TRIM24: variants seen among roughly 807,000 people sequenced by gnomAD.
The protein encoded by TRIM24 is tripartite motif containing 24.
TRIM24 carries 29 observed loss-of-function variants against 123.9 expected under a neutral mutation model. That is an observed-to-expected ratio of 0.23 (90% CI 0.17 to 0.32). The LOEUF (loss-of-function observed/expected upper bound fraction) is 0.32, where lower values mean the gene tolerates loss of function less well. TRIM24 is among the 10% of genes least tolerant of loss of function. The pLI, the probability that TRIM24 is intolerant of heterozygous loss-of-function variation, is 1.00. For synonymous variants in TRIM24, 456 were observed against 461.1 expected (o/e 0.99, Z 0.14); for missense variants, 932 against 1,295.3 (o/e 0.72, Z 4.31).
At chr7:138,508,722 T>TGTGTGC (rs1554436727) in intron 2 of TRIM24, among the ~76,000 whole-genome samples, 11 of 124,322 alleles carry the variant, frequency 8.8e-5, no homozygotes, top group African/African-American at 2.0e-4. Context: ...TGTGTGTGCG[T>TGTGTGC]GTGTGTGTGT....
At chr7:138,472,339 T>C (rs1248233974) in intron 1 of TRIM24, among the ~76,000 whole-genome samples, 1 of 151,686 alleles carries the variant, frequency 6.6e-6, no homozygotes, top group Non-Finnish European at 1.5e-5. Flanking sequence ...AGAAAGGCAT[T>C]GATCTGAGGC....
intron 10 of TRIM24, among the ~76,000 whole-genome samples, chr7:138,568,701 C>T (rs539775013): frequency 6.6e-6 from 1 of 151,166 alleles, no homozygotes; most frequent in Non-Finnish European, 1.5e-5. Context: ...TATTTATATA[C>T]TTAGTGTCTT....
At position 138,463,141 on chromosome 7, in the gene TRIM24, T is replaced by C. The variant is rs1035045608; in HGVS notation, c.364+2229T>C. On this transcript the variant is annotated intron_variant, in intron 1 of 18. Transcript: ENST00000343526. ...CCGACCTCAGGTGATCCGCCCACCTTGGCTTCCCAAAGTGCTGGGATTACA... is the reference window on the plus strand; with the variant it reads ...CCGACCTCAGGTGATCCGCCCACCTCGGCTTCCCAAAGTGCTGGGATTACA... Among the ~76,000 whole-genome samples the C allele has an allele frequency of 1.9e-4, 27 of 140,394 alleles. No individual in the cohort carries two copies. In the Admixed American group the frequency reaches 2.0e-3, roughly 10 times the overall value. The allele number at this position is 140,394 out of a possible 152,430, so 92.1% of individuals were successfully genotyped here.
chr7:138,531,202 C>T (rs1796726397), intron 6 of TRIM24, among the ~76,000 whole-genome samples: 1 of 148,560 alleles, frequency 6.7e-6, no homozygotes, highest in African/African-American at 2.6e-5. Flanking sequence ...TACATGTATA[C>T]ATGTATACGT....
intron 1 of TRIM24, among the ~76,000 whole-genome samples, chr7:138,463,027 G>C (rs935524995): frequency 7.0e-6 from 1 of 141,944 alleles, no homozygotes; most frequent in South Asian, 2.3e-4. Context: ...GCGCCACCAC[G>C]TCCGGCTAAT....
intron 1 of TRIM24, among the ~76,000 whole-genome samples, chr7:138,471,763 A>G (rs1795277981): frequency 6.6e-6 from 1 of 151,504 alleles, no homozygotes; most frequent in Admixed American, 6.6e-5. Context: ...CTGGTTTCAA[A>G]CTCCTCACCT....
chr7:138,507,583 A>G (rs754976449), intron 2 of TRIM24, among the ~76,000 whole-genome samples: 2 of 151,474 alleles, frequency 1.3e-5, no homozygotes, highest in Non-Finnish European at 3.0e-5. Flanking sequence ...TCAGCCTCCC[A>G]AAGTGCTGGG....
At chr7:138,528,947 A>G (rs1213417988) in intron 5 of TRIM24, among the ~76,000 whole-genome samples, 169 bp from the exon 6 acceptor site, 1 of 152,036 alleles carries the variant, frequency 6.6e-6, no homozygotes, top group African/African-American at 2.4e-5. Flanking sequence ...CTTTCAGAAG[A>G]ATTATATTTC....
At chr7:138,577,873 T>C (rs1367339459) in intron 14 of TRIM24, among the ~76,000 whole-genome samples, 1 of 152,178 alleles carries the variant, frequency 6.6e-6, no homozygotes, top group Non-Finnish European at 1.5e-5. Context: ...GACTTGAAGA[T>C]TAACTAAACA....
chr7:138,508,692 T>TGCGCGCGCGCGC lies in TRIM24; in HGVS notation c.483+4293_483+4294insCGCGCGCGCGCG, dbSNP rs60180839. The stretch of plus-strand genomic sequence containing the variant: ...GTGTGTGTGTGTGTGTGTGTGTGTG[T>TGCGCGCGCGCGC]GCGCGCGCGTGTGTGCGTGTGTGTG... On this transcript the variant is annotated intron_variant, in intron 2 of 18. Transcript: ENST00000343526. Among the ~76,000 whole-genome samples the TGCGCGCGCGCGC allele has an allele frequency of 1.6e-3, 223 of 137,262 alleles. 1 individual carries two copies. In the East Asian group the frequency reaches 0.023, roughly 14 times the overall value. 90.0% of individuals were successfully genotyped at this position (137,262 alleles called of 152,430 possible). A position where few individuals can be genotyped will look rare whatever the true frequency, so the allele number is the denominator to read the frequency against.
chr7:138,486,811 G>A (rs189183518), intron 1 of TRIM24, among the ~76,000 whole-genome samples: 1 of 152,232 alleles, frequency 6.6e-6, no homozygotes, highest in Admixed American at 6.5e-5. Context: ...GATTGTCTTG[G>A]CAATGCGGGC....
chr7:138,572,901 C>A lies in TRIM24; in HGVS notation c.1879-606C>A, dbSNP rs1366418568. Among the ~76,000 whole-genome samples the A allele has an allele frequency of 2.0e-5, 3 of 152,242 alleles. No homozygotes were observed. The East Asian group carries it at 5.8e-4, about 29-fold the overall frequency. On this transcript the variant is annotated intron_variant, in intron 11 of 18. Transcript: ENST00000343526. Reference sequence around the variant, plus strand: ...TATTTGTATTCCTGTTATATTAAAGCAAGAATCTTTAGGGTTCACCTTTTC... The same window carrying A: ...TATTTGTATTCCTGTTATATTAAAGAAAGAATCTTTAGGGTTCACCTTTTC...
At chr7:138,576,710 AAATG>A (rs1394931307) in intron 13 of TRIM24, among the ~76,000 whole-genome samples, 1 of 152,250 alleles carries the variant, frequency 6.6e-6, no homozygotes, top group Non-Finnish European at 1.5e-5. Context: ...GAAAACATAA[AAATG>A]AATAGGCATA....
chr7:138,473,342 T>C (rs1795318633), intron 1 of TRIM24, among the ~76,000 whole-genome samples: 1 of 152,246 alleles, frequency 6.6e-6, no homozygotes, highest in Non-Finnish European at 1.5e-5. Flanking sequence ...GTGGTTTCTC[T>C]CTACTTACTG....
chr7:138,529,185 G>T lies in TRIM24; in HGVS notation c.951G>T (p.Met317Ile). Reference protein sequence around the residue: ...QDIKVAIFTLMVEINKKGKAL... With the variant: ...QDIKVAIFTLIVEINKKGKAL... ...TTAAAGTTGCTATATTTACACTGATGGTAGAAATAAATAAAAAAGGAAAAG... is the reference window on the plus strand; with the variant it reads ...TTAAAGTTGCTATATTTACACTGATTGTAGAAATAAATAAAAAAGGAAAAG... The change falls in exon 6 of 19, where the codon ATG becomes ATT. Residue 317 changes from methionine (M) to isoleucine (I), a missense_variant. This residue lies in a region of TRIM24 where 527 missense variants were observed against 691.3 expected (regional missense o/e 0.76). Transcript: ENST00000343526. 1 of 1,574,910 alleles carries T rather than the reference G, an allele frequency of 6.3e-7. No individual in the cohort carries two copies. The highest frequency in any genetic ancestry group is 1.2e-5 in the South Asian group (1 of 83,796).
intron 9 of TRIM24, among the ~76,000 whole-genome samples, chr7:138,560,418 A>G (rs1165794430): frequency 1.3e-5 from 2 of 152,176 alleles, no homozygotes; most frequent in African/African-American, 4.8e-5. Flanking sequence ...CCATCCTGAA[A>G]AGGTGCAGAC....
At chr7:138,497,586 G>C (rs1795940044) in intron 1 of TRIM24, among the ~76,000 whole-genome samples, 1 of 150,968 alleles carries the variant, frequency 6.6e-6, no homozygotes, top group Non-Finnish European at 1.5e-5. Context: ...GTAGAGACAG[G>C]GTTTCACCAT....
At chr7:138,517,874 C>T (rs1796433182) in intron 3 of TRIM24, among the ~76,000 whole-genome samples, 1 of 152,128 alleles carries the variant, frequency 6.6e-6, no homozygotes, top group South Asian at 2.1e-4. Flanking sequence ...CTTGCTTTCT[C>T]TCTCGCATTT....
Position 138,460,875 on chromosome 7 carries a change from C to CTCGCCGGTCAGCGGCTCG in TRIM24, c.334_351dup (p.Val112_Pro117dup), listed in dbSNP as rs1794947673. On this transcript the variant is annotated inframe_insertion, in exon 1 of 19. Transcript: ENST00000343526. ...CCCCGCCACCCGTCCCTGCCCCCGG[C>CTCGCCGGTCAGCGGCTCG]TCGCCGGTCAGCGGCTCGTCGCCGT... 1 of 1,538,502 alleles carries CTCGCCGGTCAGCGGCTCG rather than the reference C, an allele frequency of 6.5e-7. No homozygotes were observed.
Sources: gnomAD v4.1 joint callset for allele counts (sites outside exome capture counted in the v4.1 genomes callset) on GRCh38, gnomAD v4.1.1 for gene constraint, gnomAD v4.1.1 regional missense constraint, MANE v1.5 for transcripts, NCBI Gene and HGNC (gene_info 2026-07-23, HGNC 2026-07-21) for gene names.